IQCM: variants seen among roughly 807,000 people sequenced by gnomAD.
IQCM encodes the protein IQ domain-containing protein M.
In IQCM, 45 loss-of-function variants were observed where a neutral mutation model predicts 57.6. The observed-to-expected ratio is 0.78, with a 90% CI of 0.62 to 1.00. IQCM has a LOEUF of 1.00. Among genes scored for constraint, IQCM ranks in the 50% least tolerant of loss-of-function variants. The pLI is 0.00. For missense variants in IQCM, 468 were observed against 511.6 expected, an observed-to-expected ratio of 0.91 and a Z score of 0.82; for synonymous variants, 148 against 158.9, an observed-to-expected ratio of 0.93 and a Z score of 0.51.
rs1760516383 is a variant in IQCM at position 149,664,536 on chromosome 4, C to T, written c.565+17582G>A. 1.3e-5 allele frequency among the ~76,000 whole-genome samples: 2 copies of T among 152,114 alleles called. 1 individual carries two copies. The highest frequency in any genetic ancestry group is 1.3e-4 in the Admixed American group (2 of 15,272). Reference sequence around the variant, plus strand: ...TTCTGTGAGGACTCAGTAGCATCATCTCTGTGCAATTTCTTTAATTATAAT... The same window carrying T: ...TTCTGTGAGGACTCAGTAGCATCATTTCTGTGCAATTTCTTTAATTATAAT... On this transcript the variant is annotated intron_variant, in intron 7 of 13. Transcript: ENST00000636793.
chr4:149,722,661 C>CATCA (rs1765550219), intron 5 of IQCM, among the ~76,000 whole-genome samples: 1 of 151,816 alleles, frequency 6.6e-6, no homozygotes, highest in Non-Finnish European at 1.5e-5. Context: ...TCTACTTTTA[C>CATCA]ATCAGTACCA....
At chr4:149,507,720 G>C (rs1201951858) in intron 12 of IQCM, among the ~76,000 whole-genome samples, 1 of 151,162 alleles carries the variant, frequency 6.6e-6, no homozygotes, top group Non-Finnish European at 1.5e-5. Context: ...CAATGCAATA[G>C]AAAAAAAAAT....
At chr4:149,799,746 A>T (rs1319396079) in intron 2 of IQCM, among the ~76,000 whole-genome samples, 1 of 151,760 alleles carries the variant, frequency 6.6e-6, no homozygotes, top group African/African-American at 2.4e-5. Flanking sequence ...GACAGATTCC[A>T]AGACACATAA....
intron 8 of IQCM, among the ~76,000 whole-genome samples, chr4:149,603,974 GTTATTA>G (rs1754552221): frequency 6.6e-6 from 1 of 151,910 alleles, no homozygotes; most frequent in Non-Finnish European, 1.5e-5. Flanking sequence ...CACCACTACT[GTTATTA>G]TTAGTACTAC....
chr4:149,533,255 T>C lies in IQCM; in HGVS notation c.1228+15200A>G, dbSNP rs147060904. On this transcript the variant is annotated intron_variant, in intron 12 of 13. Transcript: ENST00000636793. Reference sequence around the variant, plus strand: ...GATTGAGAGAATTTTTATATTTTCATTTTGAAGTATTTCTGACATATAAAA... The same window carrying C: ...GATTGAGAGAATTTTTATATTTTCACTTTGAAGTATTTCTGACATATAAAA... Among the ~76,000 whole-genome samples, 527 of 152,210 alleles carry C rather than the reference T, an allele frequency of 3.5e-3. 2 individuals are homozygous for C. The highest frequency in any genetic ancestry group is 0.01 in the African/African-American group (432 of 41,552).
chr4:149,515,781 G>C (rs1357656837), intron 12 of IQCM, among the ~76,000 whole-genome samples: 2 of 152,196 alleles, frequency 1.3e-5, no homozygotes, highest in Non-Finnish European at 2.9e-5. Flanking sequence ...TGGCTGGATG[G>C]TCAGGGACTT....
chr4:149,668,667 A>G (rs532639116), intron 7 of IQCM, among the ~76,000 whole-genome samples: 6 of 152,318 alleles, frequency 3.9e-5, no homozygotes, highest in African/African-American at 1.4e-4. Flanking sequence ...AATTAAATAA[A>G]AGAAAATGTG....
chr4:149,627,109 T>C (rs1485886935), intron 7 of IQCM, among the ~76,000 whole-genome samples: 2 of 152,116 alleles, frequency 1.3e-5, no homozygotes, highest in African/African-American at 4.8e-5. Context: ...TACAGCCCTA[T>C]GGAAAGGAAA....
At chr4:149,377,727 C>A (rs961231847) in intron 13 of IQCM, among the ~76,000 whole-genome samples, 1 of 152,126 alleles carries the variant, frequency 6.6e-6, no homozygotes, top group Non-Finnish European at 1.5e-5. Context: ...AGAGCAAATT[C>A]TATATGTCTC....
At chr4:149,496,692 C>A (rs1268964621) in intron 12 of IQCM, among the ~76,000 whole-genome samples, 1 of 152,162 alleles carries the variant, frequency 6.6e-6, no homozygotes, top group Non-Finnish European at 1.5e-5. Context: ...ACCTCCAGAA[C>A]TTCAAGATAG....
intron 12 of IQCM, among the ~76,000 whole-genome samples, chr4:149,542,744 A>G (rs2149880381): frequency 6.6e-6 from 1 of 152,260 alleles, no homozygotes; most frequent in East Asian, 1.9e-4. Flanking sequence ...GTTTATTTTC[A>G]TAATTAAGAA....
chr4:149,426,889 C>T (rs1359395955), intron 13 of IQCM, among the ~76,000 whole-genome samples: 2 of 151,904 alleles, frequency 1.3e-5, no homozygotes, highest in African/African-American at 4.8e-5. Context: ...AACCAGGAAC[C>T]ACATCCTTGG....
At chr4:149,426,198 A>T (rs1011115786) in intron 13 of IQCM, among the ~76,000 whole-genome samples, 10 of 152,020 alleles carry the variant, frequency 6.6e-5, no homozygotes, top group African/African-American at 2.4e-4. Flanking sequence ...TTAAATATCA[A>T]CCAGTGACAG....
At chr4:149,633,863 C>T (rs991052683) in intron 7 of IQCM, among the ~76,000 whole-genome samples, 73 of 152,176 alleles carry the variant, frequency 4.8e-4, no homozygotes, top group African/African-American at 1.5e-3. Context: ...CAAGCTACAC[C>T]GTCATTTTTT....
At chr4:149,672,353 C>T (rs1169590606) in intron 7 of IQCM, among the ~76,000 whole-genome samples, 2 of 152,096 alleles carry the variant, frequency 1.3e-5, no homozygotes, top group Non-Finnish European at 2.9e-5. Flanking sequence ...TGTTCGAACC[C>T]ATTGCAAAGA....
At chr4:149,610,945 A>G (rs1755228380) in intron 8 of IQCM, among the ~76,000 whole-genome samples, 1 of 152,134 alleles carries the variant, frequency 6.6e-6, no homozygotes, top group Admixed American at 6.6e-5. Flanking sequence ...ATGGGGGAAA[A>G]TATTTGCAAA....
intron 7 of IQCM, among the ~76,000 whole-genome samples, chr4:149,664,096 A>G (rs1459737248): frequency 3.9e-5 from 6 of 151,954 alleles, no homozygotes; most frequent in Non-Finnish European, 8.8e-5. Context: ...CCTCAATGGT[A>G]TTTTTACTTC....
chr4:149,501,344 G>T (rs1743219442), intron 12 of IQCM, among the ~76,000 whole-genome samples: 1 of 152,132 alleles, frequency 6.6e-6, no homozygotes, highest in Admixed American at 6.6e-5. Flanking sequence ...TTGGTATCTT[G>T]AGGGCCTGAA....
At position 149,759,889 on chromosome 4, in the gene IQCM, T is replaced by G. The variant is rs559694190; in HGVS notation, c.-48-17150A>C. 5.9e-5 allele frequency among the ~76,000 whole-genome samples: 9 copies of G among 151,778 alleles called. No homozygotes were observed. The South Asian group carries it at 1.9e-3, about 32-fold the overall frequency. ...TTCAAAGAAAATAGAAGAAAGAAATTTAAAGGAGTAAAAATGAATAGAAAA... is the reference window on the plus strand; with the variant it reads ...TTCAAAGAAAATAGAAGAAAGAAATGTAAAGGAGTAAAAATGAATAGAAAA... On this transcript the variant is annotated intron_variant, in intron 2 of 13. Transcript: ENST00000636793.
Sources: allele counts gnomAD v4.1 joint callset (sites outside exome capture counted in the v4.1 genomes callset), GRCh38; gene constraint gnomAD v4.1.1; transcripts MANE v1.5; gene names NCBI Gene and HGNC (gene_info 2026-07-23, HGNC 2026-07-21).